Variants in JMJD1C observed in about 807,000 individuals in gnomAD.
JMJD1C encodes jumonji domain-containing protein 1C.
JMJD1C carries 31 observed loss-of-function variants against 245.3 expected under a neutral mutation model. The observed-to-expected ratio is 0.13, with a 90% CI of 0.09 to 0.17. The LOEUF (loss-of-function observed/expected upper bound fraction) is 0.17. Among genes scored for constraint, JMJD1C ranks in the 10% least tolerant of loss-of-function variants. The pLI is 1.00. For missense variants in JMJD1C, 2,691 were observed against 3,000.2 expected (o/e 0.90, Z 2.41); for synonymous variants, 1,057 against 1,017.4 (o/e 1.04, Z -0.74).
chr10:63,500,721 CTCGA>C (rs1202628536), intron 1 of JMJD1C, among the ~76,000 whole-genome samples: 160 of 128,650 alleles, frequency 1.2e-3, no homozygotes, highest in Admixed American at 2.0e-3. Context: ...GCAAGACTGT[CTCGA>C]TGGATGGATG....
At chr10:63,423,811 T>C (rs886860589) in intron 1 of JMJD1C, among the ~76,000 whole-genome samples, 14 of 152,250 alleles carry the variant, frequency 9.2e-5, no homozygotes, top group Non-Finnish European at 1.6e-4. Flanking sequence ...CTTGATGTTT[T>C]CCAGGTTTTG....
intron 17 of JMJD1C, 108 bp from the exon 18 acceptor site, chr10:63,189,554 T>C (rs750004452): frequency 8.5e-5 from 73 of 855,344 alleles, no homozygotes; most frequent in African/African-American, 2.7e-4. Flanking sequence ...CACTCCACAA[T>C]ATGCACTTCT....
In JMJD1C at chr10:63,208,285, C is replaced by T. The variant is rs199576131; in HGVS notation, c.3384G>A (p.Ala1128=). ...TCAGAGTTTGAGGATTAGCTGCTGC[C>T]GCTGCAAGGGCATTACTCTGTTTAT... ...YGDKQSNALA[A]AAANPQTLTS... The change falls in exon 10 of 26, where the codon GCG becomes GCA. Residue 1128 remains alanine, a synonymous_variant. Coordinates refer to ENST00000399262, the MANE Select transcript of JMJD1C (RefSeq NM_032776.3). 8.6e-5 allele frequency: 139 copies of T among 1,613,730 alleles called. No homozygotes were observed. In the Middle Eastern group the frequency reaches 2.1e-3, roughly 25 times the overall value.
rs944393254 is a variant in JMJD1C, at chr10:63,400,239, T to A, written c.169-19757A>T. ...ATATCCTTGTGCATATGTCATTTTG[T>A]ATTTTTGCCATTCTATCTTTAAGGC... On this transcript the variant is annotated intron_variant, in intron 1 of 25. Coordinates refer to ENST00000399262, the MANE Select transcript of JMJD1C (RefSeq NM_032776.3). Among the ~76,000 whole-genome samples the A allele has an allele frequency of 5.3e-5, 8 of 152,334 alleles. No individual in the cohort carries two copies. In the East Asian group the frequency reaches 1.5e-3, roughly 29 times the overall value.
intron 2 of JMJD1C, among the ~76,000 whole-genome samples, chr10:63,315,737 G>C (rs1288597631): frequency 6.6e-6 from 1 of 151,744 alleles, no homozygotes; most frequent in African/African-American, 2.4e-5. Context: ...CTACTTGGGA[G>C]GCTGAGGAAG....
At chr10:63,212,524 C>G (rs139715027) in intron 8 of JMJD1C, among the ~76,000 whole-genome samples, 1 of 152,226 alleles carries the variant, frequency 6.6e-6, no homozygotes, top group African/African-American at 2.4e-5. Context: ...AACTACATGG[C>G]TCATGAATGA....
chr10:63,519,112 T>C (rs538260577), intron 1 of JMJD1C, among the ~76,000 whole-genome samples: 1 of 152,194 alleles, frequency 6.6e-6, no homozygotes, highest in East Asian at 1.9e-4. Flanking sequence ...TATTGAGATG[T>C]GAAAAAAGGC....
chr10:63,222,508 C>CT, intron 3 of JMJD1C: 1 of 1,208,644 alleles, frequency 8.3e-7, no homozygotes. Flanking sequence ...TTGATTTTGA[C>CT]TGACTGCACT....
At chr10:63,315,569 T>A (rs1317652153) in intron 2 of JMJD1C, among the ~76,000 whole-genome samples, 1 of 152,152 alleles carries the variant, frequency 6.6e-6, no homozygotes, top group East Asian at 1.9e-4. Flanking sequence ...CCGGGTGCAG[T>A]GGCTCATGCC....
At chr10:63,182,490 A>G (rs1429257797) in intron 22 of JMJD1C, among the ~76,000 whole-genome samples, 1 of 152,240 alleles carries the variant, frequency 6.6e-6, no homozygotes, top group African/African-American at 2.4e-5. Context: ...CAAAGATGGT[A>G]AAATATTTCT....
At chr10:63,474,936 T>C (rs1231249396) in intron 1 of JMJD1C, among the ~76,000 whole-genome samples, 1 of 151,954 alleles carries the variant, frequency 6.6e-6, no homozygotes, top group Non-Finnish European at 1.5e-5. Flanking sequence ...GCAAATCTAA[T>C]GAATGCTGAT....
intron 10 of JMJD1C, chr10:63,202,529 T>C (rs1244017699): frequency 2.0e-6 from 2 of 985,432 alleles, no homozygotes; most frequent in East Asian, 1.1e-4. Flanking sequence ...AAATAAACCA[T>C]ATAGAGTGAC....
In JMJD1C at chr10:63,209,253, CA is replaced by C. The variant is rs749532433; in HGVS notation, c.2695-19del. 30 of 1,565,672 alleles carry C rather than the reference CA, an allele frequency of 1.9e-5. No homozygotes were observed. The highest frequency in any genetic ancestry group is 9.7e-5 in the South Asian group (8 of 82,708). ...GGAGAATTCTATTAACAAAACAAAA[CA>C]AAAAAAACACCTAGATTTCAGTTAC... On this transcript the variant is annotated intron_variant, in intron 8 of 25. Coordinates refer to ENST00000399262, the MANE Select transcript of JMJD1C (RefSeq NM_032776.3).
chr10:63,294,505 C>T (rs1859148805), intron 2 of JMJD1C, among the ~76,000 whole-genome samples: 1 of 152,036 alleles, frequency 6.6e-6, no homozygotes. Flanking sequence ...AGGATGGTCT[C>T]CATCTCTTGA....
chr10:63,196,726 A>C, intron 13 of JMJD1C, among the ~76,000 whole-genome samples: 1 of 152,216 alleles, frequency 6.6e-6, no homozygotes, highest in Middle Eastern at 3.2e-3. Flanking sequence ...CTAACAAAAA[A>C]TTCAATACCA....
chr10:63,280,246 G>A (rs983077299), intron 2 of JMJD1C, among the ~76,000 whole-genome samples: 3 of 151,914 alleles, frequency 2.0e-5, no homozygotes, highest in East Asian at 1.9e-4. Context: ...AAATATGTAC[G>A]ATTATTTAAA....
intron 2 of JMJD1C, among the ~76,000 whole-genome samples, chr10:63,323,528 A>AG (rs1024605313): frequency 6.6e-6 from 1 of 152,176 alleles, no homozygotes; most frequent in South Asian, 2.1e-4. Flanking sequence ...AAAAAAAGAA[A>AG]GGGGGGAAAG....
Position 63,465,489 on chromosome 10 carries a change from T to C in JMJD1C, c.168+6A>G. 6.3e-7 allele frequency: 1 copy of C among 1,597,512 alleles called. No homozygotes were observed. Among genetic ancestry groups the C allele is most frequent in the Non-Finnish European group, 8.5e-7 (1 of 1,174,486 alleles). On this transcript the variant is annotated splice_donor_region_variant and intron_variant, in intron 1 of 25. Transcript: ENST00000399262. Reference sequence around the variant, plus strand: ...CAGGGGAAAAGGGGGGCGCTGACTCTCTTACCGCCAGGTCCGGATTGCGGC... The same window carrying C: ...CAGGGGAAAAGGGGGGCGCTGACTCCCTTACCGCCAGGTCCGGATTGCGGC...
chr10:63,239,694 C>A lies in JMJD1C; in HGVS notation c.448-19711G>T, dbSNP rs570293921. Reference sequence around the variant, plus strand: ...CTCTTGACCTCAGGTGATCCACCCACCTTGGCCTCCTAAGTGCTGGGATTA... The same window carrying A: ...CTCTTGACCTCAGGTGATCCACCCAACTTGGCCTCCTAAGTGCTGGGATTA... On this transcript the variant is annotated intron_variant, in intron 3 of 25. Coordinates refer to ENST00000399262, the MANE Select transcript of JMJD1C (RefSeq NM_032776.3). Among the ~76,000 whole-genome samples, 302 of 152,280 alleles carry A rather than the reference C, an allele frequency of 2.0e-3. 1 individual carries two copies. Among genetic ancestry groups the A allele is most frequent in the Non-Finnish European group, 3.6e-3 (244 of 68,020 alleles).
Sources: gnomAD v4.1 joint callset for allele counts (sites outside exome capture counted in the v4.1 genomes callset) on GRCh38, gnomAD v4.1.1 for gene constraint, MANE v1.5 for transcripts, NCBI Gene and HGNC (gene_info 2026-07-23, HGNC 2026-07-21) for gene names.